The following RIN3 variants were observed in gnomAD, a reference collection of about 807,000 sequenced individuals.
RIN3 encodes the protein Ras and Rab interactor 3, also known as RAB5 interacting protein 3.
In RIN3, 54 loss-of-function variants were observed where a neutral mutation model predicts 76.3. The observed-to-expected ratio is 0.71, with a 90% CI of 0.57 to 0.89. RIN3 has a LOEUF of 0.89. Ranked by LOEUF, RIN3 falls within the 40% of genes least tolerant of loss-of-function variation. The pLI, the probability that RIN3 is intolerant of heterozygous loss-of-function variation, is 0.00. For synonymous variants in RIN3, 576 were observed against 564.0 expected, an observed-to-expected ratio of 1.02 and a Z score of -0.30; for missense variants, 1,256 against 1,322.1, an observed-to-expected ratio of 0.95 and a Z score of 0.78.
At chr14:92,532,742 C>T (rs1274641276) in intron 1 of RIN3, among the ~76,000 whole-genome samples, 1 of 152,166 alleles carries the variant, frequency 6.6e-6, no homozygotes, top group African/African-American at 2.4e-5. Context: ...TGCAGGTACT[C>T]TTAGAGGAAG....
intron 4 of RIN3, among the ~76,000 whole-genome samples, chr14:92,625,299 T>TTCA: frequency 6.6e-6 from 1 of 152,332 alleles, no homozygotes; most frequent in East Asian, 1.9e-4. Context: ...TAAAGTCTGA[T>TTCA]TCATCCTTTC....
intron 4 of RIN3, among the ~76,000 whole-genome samples, chr14:92,620,513 A>G (rs536097622): frequency 5.9e-5 from 9 of 152,328 alleles, no homozygotes; most frequent in Admixed American, 2.0e-4. Flanking sequence ...TTGGAATTCC[A>G]GATAAATGGA....
intron 1 of RIN3, among the ~76,000 whole-genome samples, chr14:92,540,008 G>A (rs376225799): frequency 6.6e-6 from 1 of 152,242 alleles, no homozygotes; most frequent in Non-Finnish European, 1.5e-5. Context: ...GTGTGGGCAG[G>A]TGGAGCCCAG....
intron 3 of RIN3, among the ~76,000 whole-genome samples, chr14:92,585,288 T>C (rs1246316908): frequency 6.6e-6 from 1 of 152,168 alleles, no homozygotes; most frequent in East Asian, 1.9e-4. Flanking sequence ...GTCAAATCTC[T>C]TTCTAGGATA....
chr14:92,651,125 A>G (rs535902035), intron 5 of RIN3, among the ~76,000 whole-genome samples: 6 of 152,142 alleles, frequency 3.9e-5, no homozygotes, highest in Admixed American at 3.9e-4. Flanking sequence ...CATTTTAGGG[A>G]TGACTAGACT....
chr14:92,540,154 C>T (rs1350864108), intron 1 of RIN3, among the ~76,000 whole-genome samples: 3 of 152,180 alleles, frequency 2.0e-5, no homozygotes, highest in South Asian at 2.1e-4. Flanking sequence ...CCTGCCAGAC[C>T]CCTTGATGTG....
chr14:92,651,187 G>A (rs1046497373), intron 5 of RIN3, among the ~76,000 whole-genome samples: 16 of 152,122 alleles, frequency 1.1e-4, no homozygotes, highest in African/African-American at 3.4e-4. Flanking sequence ...CTGGTTGGCC[G>A]CAGGAATTCC....
Position 92,659,176 on chromosome 14 carries a change from C to G in RIN3, c.2042C>G (p.Ser681Cys), listed in dbSNP as rs138388973. 1 of 1,614,136 alleles carries G rather than the reference C, an allele frequency of 6.2e-7. No individual in the cohort carries two copies. The highest frequency in any genetic ancestry group is 8.5e-7 in the Non-Finnish European group (1 of 1,179,996). The change falls in exon 7 of 10, where the codon TCT becomes TGT. Residue 681 changes from serine (S) to cysteine (C), a missense_variant. Around this residue, in one of 3 missense-constraint regions of RIN3, gnomAD observed 428 missense variants for 521.2 expected, o/e 0.82. Transcript: ENST00000216487. ...SEEELEAIVE[S>C]ALYKCVLKPL... ...TTACCTGCAGAAGCAATTGTAGAGT[C>G]TGCCTTGTACAAATGTGTCCTGAAG...
intron 7 of RIN3, among the ~76,000 whole-genome samples, chr14:92,672,535 G>A (rs566391544): frequency 1.3e-5 from 2 of 152,326 alleles, no homozygotes; most frequent in African/African-American, 2.4e-5. Context: ...CCTCCTGGTC[G>A]GCTGAATGTG....
Position 92,568,771 on chromosome 14 carries a change from C to G in RIN3, c.250-8589C>G, listed in dbSNP as rs2140049319. Among the ~76,000 whole-genome samples, 1 of 152,340 alleles carries G rather than the reference C, an allele frequency of 6.6e-6. No homozygotes were observed. The highest frequency in any genetic ancestry group is 2.4e-5 in the African/African-American group (1 of 41,568). On this transcript the variant is annotated intron_variant, in intron 2 of 9. Coordinates refer to ENST00000216487, the MANE Select transcript of RIN3 (RefSeq NM_024832.5). This position sits in a 1 kb window ranked among gnomAD's most constrained non-coding sequence, Gnocchi z 4.2. ...CCAGCGCCTTATCATGGTTTTTAGT[C>G]AGAAGACAAGAGCCACATGAGAGCC...
intron 4 of RIN3, among the ~76,000 whole-genome samples, chr14:92,620,525 T>C (rs1886135146): frequency 6.6e-6 from 1 of 152,206 alleles, no homozygotes; most frequent in African/African-American, 2.4e-5. Flanking sequence ...ATAAATGGAA[T>C]GAATGATGAT....
chr14:92,618,529 A>G (rs1252340658), intron 4 of RIN3, among the ~76,000 whole-genome samples: 1 of 152,250 alleles, frequency 6.6e-6, no homozygotes, highest in Non-Finnish European at 1.5e-5. Context: ...CAGAAGATCT[A>G]AACTATAAAA....
In RIN3 at chr14:92,597,609, A is replaced by G. The variant is rs1885196750; in HGVS notation, c.368-17798A>G. ...CTGTAAAATATGGTACCTCCCAAATAGAGTTTTGGGAGACCCTTGGAGTGG... is the reference window on the plus strand; with the variant it reads ...CTGTAAAATATGGTACCTCCCAAATGGAGTTTTGGGAGACCCTTGGAGTGG... On this transcript the variant is annotated intron_variant, in intron 3 of 9. Coordinates refer to ENST00000216487, the MANE Select transcript of RIN3 (RefSeq NM_024832.5). Among the ~76,000 whole-genome samples, 3 of 152,126 alleles carry G rather than the reference A, an allele frequency of 2.0e-5. No individual in the cohort carries two copies. In the South Asian group the frequency reaches 6.2e-4, roughly 32 times the overall value.
At chr14:92,555,472 T>C (rs996112731) in intron 1 of RIN3, among the ~76,000 whole-genome samples, 3 of 152,070 alleles carry the variant, frequency 2.0e-5, no homozygotes, top group Admixed American at 2.0e-4. Flanking sequence ...GACCCTCACA[T>C]TTGCCTACCC....
intron 8 of RIN3, among the ~76,000 whole-genome samples, chr14:92,676,862 T>C (rs1246795951): frequency 1.3e-5 from 2 of 152,008 alleles, no homozygotes; most frequent in African/African-American, 4.8e-5. Context: ...CCAGAAGGCA[T>C]AGGAGCATGT....
rs1268069875 is a variant in RIN3, at chr14:92,641,222, C to T, written c.441-16C>T. Reference sequence around the variant, plus strand: ...GGTGGACCCAGACATGACTTCTGCCCCTCGTGTCTTCACAGAGACTTACTG... The same window carrying T: ...GGTGGACCCAGACATGACTTCTGCCTCTCGTGTCTTCACAGAGACTTACTG... On this transcript the variant is annotated splice_polypyrimidine_tract_variant and intron_variant, in intron 4 of 9. Transcript: ENST00000216487. 1.3e-6 allele frequency: 2 copies of T among 1,593,212 alleles called. No homozygotes were observed. The highest frequency in any genetic ancestry group is 2.2e-5 in the East Asian group (1 of 44,780).
At chr14:92,556,010 C>T (rs759015340) in intron 2 of RIN3, 55 bp downstream of exon 2, 27 of 1,444,748 alleles carry the variant, frequency 1.9e-5, no homozygotes, top group Admixed American at 8.7e-5. Context: ...GGAACTCAGG[C>T]GTGCTCCACA....
At chr14:92,622,750 T>C (rs1012004980) in intron 4 of RIN3, among the ~76,000 whole-genome samples, 5 of 152,126 alleles carry the variant, frequency 3.3e-5, no homozygotes, top group Admixed American at 6.6e-5. Context: ...TTTGGGGTGT[T>C]TGGGCACAGC....
chr14:92,523,298 A>G (rs1896646065), intron 1 of RIN3, among the ~76,000 whole-genome samples: 2 of 152,172 alleles, frequency 1.3e-5, no homozygotes, highest in Middle Eastern at 6.8e-3. Flanking sequence ...TTTAGTAGAG[A>G]CGGGGGTTTC....
Sources: allele counts gnomAD v4.1 joint callset (sites outside exome capture counted in the v4.1 genomes callset), GRCh38; gene constraint gnomAD v4.1.1; regional missense constraint gnomAD v4.1.1; non-coding constraint Gnocchi (gnomAD v3.1); transcripts MANE v1.5; gene names NCBI Gene and HGNC (gene_info 2026-07-23, HGNC 2026-07-21).